Variants in RPS17 observed in about 807,000 individuals in gnomAD.
The protein encoded by RPS17 is small ribosomal subunit protein eS17.
For synonymous variants in RPS17, 75 were observed against 65.6 expected (o/e 1.14, Z -0.70); for missense variants, 68 against 182.3 (o/e 0.37, Z 3.61).
At chr15:82,538,791 A>G in intron 3 of RPS17, 89 bp downstream of exon 3, 1 of 1,357,468 alleles carries the variant, frequency 7.4e-7, no homozygotes, top group Non-Finnish European at 1.1e-6. Context: ...TAAAGGTCTC[A>G]GATTCAGCTG....
intron 2 of RPS17, 74 bp from the exon 3 acceptor site, chr15:82,539,059 A>C: frequency 7.4e-7 from 1 of 1,358,166 alleles, no homozygotes; most frequent in Non-Finnish European, 1.1e-6. Context: ...GCACATGTGC[A>C]TATATAAATA....
chr15:82,537,951 T>C (rs2034269458), intron 4 of RPS17: 1 of 462,184 alleles, frequency 2.2e-6, no homozygotes, highest in Non-Finnish European at 4.3e-6. Context: ...CATTTCTGAG[T>C]GGTTAGCATG....
chr15:82,539,229 G>GCCCCCCC, intron 2 of RPS17: 4 of 592,728 alleles, frequency 6.7e-6, no homozygotes, highest in South Asian at 4.9e-5. Flanking sequence ...CCCCCAACTC[G>GCCCCCCC]CCCCGCCCCG....
In RPS17 at chr15:82,540,067, G is replaced by C; in HGVS notation, c.69C>G (p.Arg23=). The C allele has an allele frequency of 1.9e-6, 3 of 1,613,012 alleles. No homozygotes were observed. The highest frequency in any genetic ancestry group is 2.5e-6 in the Non-Finnish European group (3 of 1,179,870). Residue 23 remains arginine, a synonymous_variant, in exon 2 of 5, where the codon CGC becomes CGG. Coordinates refer to ENST00000647841, the MANE Select transcript of RPS17 (RefSeq NM_001021.6). ...TGTTCGTGTGGAAGTCGTTGCCCAGGCGCGTGTAGTACTTTTCTATGATGA... is the reference window on the plus strand; with the variant it reads ...TGTTCGTGTGGAAGTCGTTGCCCAGCCGCGTGTAGTACTTTTCTATGATGA... ...ARVIIEKYYT[R]LGNDFHTNKR...
chr15:82,540,187 G>A, intron 1 of RPS17, 55 bp from the exon 2 acceptor site: 9 of 1,613,204 alleles, frequency 5.6e-6, no homozygotes, highest in South Asian at 2.2e-5. Flanking sequence ...TCTGGGAAGA[G>A]TGCGGCGCCG....
chr15:82,539,264 A>G (rs961784122), intron 2 of RPS17: 11 of 612,882 alleles, frequency 1.8e-5, no homozygotes, highest in Non-Finnish European at 2.7e-5. Flanking sequence ...GACCCTTCAC[A>G]GCCTTCATTT....
rs1290806033 is a variant in RPS17 at position 82,540,221 on chromosome 15, A to G, written c.4-89T>C. On this transcript the variant is annotated intron_variant, in intron 1 of 4. Coordinates refer to ENST00000647841, the MANE Select transcript of RPS17 (RefSeq NM_001021.6). ...CGAGCCCCGGCCGGTGTGGTTGGGG[A>G]CCGCCGGCTGCGCTGAGCCGGAGAG... 6.2e-6 allele frequency: 10 copies of G among 1,610,492 alleles called. No individual in the cohort carries two copies. In the Admixed American group the frequency reaches 1.7e-4, roughly 27 times the overall value.
At chr15:82,539,817 T>C (rs1248039411) in intron 2 of RPS17, 164 bp downstream of exon 2, 39 of 1,293,464 alleles carry the variant, frequency 3.0e-5, no homozygotes, top group East Asian at 4.6e-5. Context: ...AGGCCTAAGT[T>C]CACAACAGAA....
intron 3 of RPS17, chr15:82,538,642 G>A (rs1244674915): frequency 1.4e-5 from 9 of 650,772 alleles, no homozygotes; most frequent in South Asian, 3.7e-5. Context: ...ATCGAGCCAC[G>A]ACAGCAGTCA....
At position 82,540,454 on chromosome 15, in the gene RPS17, A is replaced by T. The variant is rs895764114; in HGVS notation, c.-26T>A. 4.4e-6 allele frequency: 7 copies of T among 1,589,088 alleles called. No individual in the cohort carries two copies. The Admixed American group carries it at 5.5e-5, about 13-fold the overall frequency. ...GTTGGCGGGTCCTTGGTAAAAGAGGAAACAGGAAGCACAGGCGAAGCCTGT... is the reference window on the plus strand; with the variant it reads ...GTTGGCGGGTCCTTGGTAAAAGAGGTAACAGGAAGCACAGGCGAAGCCTGT... On this transcript the variant is annotated 5_prime_UTR_variant, in exon 1 of 5. Coordinates refer to ENST00000647841, the MANE Select transcript of RPS17 (RefSeq NM_001021.6).
intron 2 of RPS17, chr15:82,539,227 T>TCCCCCCCCCCC: frequency 5.0e-6 from 3 of 606,014 alleles, no homozygotes; most frequent in Admixed American, 2.3e-5. Context: ...CACCCCCAAC[T>TCCCCCCCCCCC]CGCCCCGCCC....
chr15:82,537,536 G>A (rs973615520), intron 4 of RPS17: 3 of 317,076 alleles, frequency 9.5e-6, no homozygotes, highest in Non-Finnish European at 1.8e-5. Flanking sequence ...GGTAGGCAGG[G>A]CAAGAAGCCA....
chr15:82,539,337 A>G (rs1440620761), intron 2 of RPS17: 2 of 484,920 alleles, frequency 4.1e-6, no homozygotes, highest in Admixed American at 4.6e-5. Flanking sequence ...CTATTCTTCC[A>G]GGCCATATGC....
intron 2 of RPS17, 184 bp downstream of exon 2, chr15:82,539,797 G>T: frequency 1.8e-6 from 2 of 1,101,720 alleles, no homozygotes; most frequent in Non-Finnish European, 2.8e-6. Flanking sequence ...ACCGCGGCCA[G>T]TCATGACACA....
chr15:82,538,489 C>T (rs2034278811), intron 3 of RPS17, 118 bp from the exon 4 acceptor site: 8 of 1,177,690 alleles, frequency 6.8e-6, no homozygotes, highest in Non-Finnish European at 1.0e-5. Flanking sequence ...GATAGCATTC[C>T]TCTCACAAGG....
chr15:82,537,728 C>T (rs1299135004), intron 4 of RPS17: 4 of 390,742 alleles, frequency 1.0e-5, no homozygotes, highest in Admixed American at 6.2e-5. Flanking sequence ...GTTCATTTTG[C>T]TACTACCTTT....
At position 82,539,900 on chromosome 15, in the gene RPS17, A is replaced by G; in HGVS notation, c.155+81T>C. 6 of 1,606,448 alleles carry G rather than the reference A, an allele frequency of 3.7e-6. No individual in the cohort carries two copies. The South Asian group carries it at 5.5e-5, about 15-fold the overall frequency. Reference sequence around the variant, plus strand: ...CTCAGGCTAACGAAACCACCAAGGCACCGTCTCTTCCCGAGTCGGAGGGCG... The same window carrying G: ...CTCAGGCTAACGAAACCACCAAGGCGCCGTCTCTTCCCGAGTCGGAGGGCG... On this transcript the variant is annotated intron_variant, in intron 2 of 4. Transcript: ENST00000647841.
chr15:82,538,821 G>A lies in RPS17; in HGVS notation c.261+59C>T. 5 of 1,569,358 alleles carry A rather than the reference G, an allele frequency of 3.2e-6. No homozygotes were observed. The South Asian group carries it at 4.4e-5, about 14-fold the overall frequency. ...CAGCTGAGGTCCCTTTGGAAGCCAA[G>A]AACCCATAGCTTTATCATTTGAGGA... On this transcript the variant is annotated intron_variant, in intron 3 of 4. Coordinates refer to ENST00000647841, the MANE Select transcript of RPS17 (RefSeq NM_001021.6).
intron 4 of RPS17, 83 bp downstream of exon 4, chr15:82,538,223 T>C (rs2034275196): frequency 7.4e-6 from 11 of 1,485,408 alleles, no homozygotes; most frequent in Non-Finnish European, 9.4e-6. Flanking sequence ...TGCCACTTAC[T>C]AGCTGGGTGA....
Sources: allele counts gnomAD v4.1 joint callset, GRCh38; gene constraint gnomAD v4.1.1; transcripts MANE v1.5; gene names NCBI Gene and HGNC (gene_info 2026-07-23, HGNC 2026-07-21).